Variants in CARMIL1 observed in about 807,000 individuals in gnomAD.
The protein encoded by CARMIL1 is F-actin-uncapping protein LRRC16A.
In CARMIL1, 90 loss-of-function variants were observed where a neutral mutation model predicts 177.1. The ratio of observed to expected loss-of-function variants is 0.51; its 90% CI spans 0.43 to 0.61. The LOEUF (loss-of-function observed/expected upper bound fraction) is 0.61, where lower values mean the gene tolerates loss of function less well. Ranked by LOEUF, CARMIL1 falls within the 20% of genes least tolerant of loss-of-function variation. The pLI is 0.00. For missense variants in CARMIL1, 1,380 were observed against 1,667.0 expected (o/e 0.83, Z 3.00); for synonymous variants, 577 against 606.2 (o/e 0.95, Z 0.71).
At chr6:25,435,443 T>C (rs775807900) in intron 4 of CARMIL1, 40 bp from the exon 5 acceptor site, 12 of 1,543,382 alleles carry the variant, frequency 7.8e-6, no homozygotes, top group East Asian at 4.9e-5. Context: ...ACGGAAGGAA[T>C]TGGACTCATT....
chr6:25,598,729 T>A (rs1307712759), intron 32 of CARMIL1, among the ~76,000 whole-genome samples: 1 of 152,170 alleles, frequency 6.6e-6, no homozygotes, highest in Non-Finnish European at 1.5e-5. Flanking sequence ...TTTTTTCTCT[T>A]CCGTGTTGAA....
chr6:25,399,765 T>G (rs1793732750), intron 2 of CARMIL1, among the ~76,000 whole-genome samples: 1 of 152,330 alleles, frequency 6.6e-6, no homozygotes, highest in East Asian at 1.9e-4. Context: ...ACTGATATGT[T>G]AAGGGAATTA....
chr6:25,338,805 A>G (rs1786566788), intron 2 of CARMIL1, among the ~76,000 whole-genome samples: 1 of 152,184 alleles, frequency 6.6e-6, no homozygotes, highest in Admixed American at 6.5e-5. Flanking sequence ...TTACACTTAA[A>G]TGTTGCTTCT....
intron 2 of CARMIL1, among the ~76,000 whole-genome samples, chr6:25,412,541 A>T (rs532723979): frequency 6.6e-6 from 1 of 152,342 alleles, no homozygotes; most frequent in Non-Finnish European, 1.5e-5. Context: ...TGATCGCTCC[A>T]CTGCACCCTA....
At chr6:25,369,777 C>G (rs565443101) in intron 2 of CARMIL1, among the ~76,000 whole-genome samples, 2 of 152,210 alleles carry the variant, frequency 1.3e-5, no homozygotes, top group Non-Finnish European at 2.9e-5. Context: ...TTCCCCTTGA[C>G]TTGGAAACTT....
chr6:25,540,037 A>G lies in CARMIL1; in HGVS notation c.2287A>G (p.Met763Val), dbSNP rs1808735513. 2.5e-6 allele frequency: 4 copies of G among 1,610,354 alleles called. No individual in the cohort carries two copies. Among genetic ancestry groups the G allele is most frequent in the Non-Finnish European group, 3.4e-6 (4 of 1,178,522 alleles). ...TCCAATTCAGGAGACCCTGGAATCA[A>G]TGGCTGGAGAAGTTACAAGAGTAGT... ...SSPIQETLES[M>V]AGEVTRVVDE... The change falls in exon 26 of 37, where the codon ATG becomes GTG. Residue 763 changes from methionine (M) to valine (V), a missense_variant. Transcript: ENST00000329474.
At chr6:25,416,815 T>A (rs1230731046) in intron 2 of CARMIL1, among the ~76,000 whole-genome samples, 2 of 152,118 alleles carry the variant, frequency 1.3e-5, no homozygotes, top group African/African-American at 4.8e-5. Context: ...GAATTTTAGG[T>A]CTTTGACAAT....
intron 2 of CARMIL1, among the ~76,000 whole-genome samples, chr6:25,396,620 C>G (rs910195695): frequency 6.6e-6 from 1 of 152,142 alleles, no homozygotes; most frequent in Non-Finnish European, 1.5e-5. Context: ...CCTCGGCCTC[C>G]CAAAGTGCTG....
intron 5 of CARMIL1, among the ~76,000 whole-genome samples, chr6:25,447,929 CTG>C (rs1422284453): frequency 6.6e-6 from 1 of 152,074 alleles, no homozygotes. Context: ...TCTGTCCACA[CTG>C]TTTTTCTGAC....
At chr6:25,398,487 C>T (rs1398774295) in intron 2 of CARMIL1, among the ~76,000 whole-genome samples, 1 of 152,160 alleles carries the variant, frequency 6.6e-6, no homozygotes, top group African/African-American at 2.4e-5. Context: ...GGTGATAAAT[C>T]AATGTGGGTT....
chr6:25,581,126 ATG>A, intron 30 of CARMIL1, 115 bp from the exon 31 acceptor site: 1 of 1,261,388 alleles, frequency 7.9e-7, no homozygotes, highest in Non-Finnish European at 1.1e-6. Flanking sequence ...TGATCTGTGA[ATG>A]TGTGTTTGCT....
chr6:25,331,954 ATTTAAAAATC>A (rs1368453163), intron 2 of CARMIL1, among the ~76,000 whole-genome samples: 2 of 152,244 alleles, frequency 1.3e-5, no homozygotes. Context: ...AACTTTTCTC[ATTTAAAAATC>A]TTGTGTGCTT....
chr6:25,323,420 CAAAAA>C (rs11288797), intron 2 of CARMIL1, among the ~76,000 whole-genome samples: 2 of 82,376 alleles, frequency 2.4e-5, no homozygotes, highest in African/African-American at 4.7e-5. Context: ...CCTGTCTCTA[CAAAAA>C]AAAAAAAAAA....
At chr6:25,563,770 T>C (rs2151199006) in intron 29 of CARMIL1, 1 of 985,388 alleles carries the variant, frequency 1.0e-6, no homozygotes, top group African/African-American at 1.7e-5. Context: ...AGTGGCAAGG[T>C]AGTTTTGGTG....
chr6:25,329,222 T>TA (rs1303737948), intron 2 of CARMIL1, among the ~76,000 whole-genome samples: 4 of 151,888 alleles, frequency 2.6e-5, no homozygotes, highest in South Asian at 4.2e-4. Context: ...CCCCCACCTT[T>TA]AAAAAAAAGA....
chr6:25,546,848 G>A (rs1809541150), intron 26 of CARMIL1, among the ~76,000 whole-genome samples: 1 of 151,838 alleles, frequency 6.6e-6, no homozygotes, highest in African/African-American at 2.4e-5. Flanking sequence ...TCAGGAGTTC[G>A]AGACCAGCCT....
In CARMIL1 at chr6:25,527,388, A is replaced by G. The variant is rs576426705; in HGVS notation, c.1969-1407A>G. Among the ~76,000 whole-genome samples, 12 of 152,340 alleles carry G rather than the reference A, an allele frequency of 7.9e-5. No individual in the cohort carries two copies. In the South Asian group the frequency reaches 2.5e-3, roughly 32 times the overall value. The stretch of plus-strand genomic sequence containing the variant: ...TCTGGAAGGCATGAGCCAGCCTTGG[A>G]TGCACTGCCTGTGTGTGAGATGAGC... On this transcript the variant is annotated intron_variant, in intron 23 of 36. Coordinates refer to ENST00000329474, the MANE Select transcript of CARMIL1 (RefSeq NM_017640.6).
intron 29 of CARMIL1, among the ~76,000 whole-genome samples, chr6:25,565,224 C>T (rs1811447352): frequency 6.6e-6 from 1 of 152,090 alleles, no homozygotes; most frequent in Non-Finnish European, 1.5e-5. Context: ...TTGTAGATCT[C>T]ACTTAAGGGT....
At chr6:25,543,658 T>A (rs1809129351) in intron 26 of CARMIL1, among the ~76,000 whole-genome samples, 1 of 152,154 alleles carries the variant, frequency 6.6e-6, no homozygotes, top group Non-Finnish European at 1.5e-5. Flanking sequence ...GACTGGTAAA[T>A]TTCAGCTTTA....
Sources: gnomAD v4.1 joint callset for allele counts (sites outside exome capture counted in the v4.1 genomes callset) on GRCh38, gnomAD v4.1.1 for gene constraint, MANE v1.5 for transcripts, NCBI Gene and HGNC (gene_info 2026-07-23, HGNC 2026-07-21) for gene names.